Variants in RRP15 observed in about 807,000 individuals in gnomAD.
The protein encoded by RRP15 is ribosomal RNA processing 15 homolog, also known as RRP15-like protein.
In RRP15, 18 loss-of-function variants were observed where a neutral mutation model predicts 27.1. That is an observed-to-expected ratio of 0.66 (90% confidence interval 0.46 to 0.98). The LOEUF (loss-of-function observed/expected upper bound fraction) is 0.98, where lower values mean the gene tolerates loss of function less well. Among genes scored for constraint, RRP15 ranks in the 50% least tolerant of loss-of-function variants. RRP15 has a pLI of 0.00. For synonymous variants in RRP15, 107 were observed against 109.4 expected, an observed-to-expected ratio of 0.98 and a Z score of 0.14; for missense variants, 359 against 337.8, an observed-to-expected ratio of 1.06 and a Z score of -0.49.
chr1:218,323,979 G>A (rs768367515), intron 4 of RRP15, among the ~76,000 whole-genome samples: 15 of 152,170 alleles, frequency 9.9e-5, no homozygotes, highest in Non-Finnish European at 1.6e-4. Flanking sequence ...CCATACCTAG[G>A]TCTGCAGCCG....
intron 4 of RRP15, among the ~76,000 whole-genome samples, chr1:218,310,968 C>T (rs1463816511): frequency 2.0e-5 from 3 of 151,986 alleles, no homozygotes; most frequent in Non-Finnish European, 2.9e-5. Flanking sequence ...AGGCTGGTCA[C>T]GAACTCCTGA....
At chr1:218,322,990 A>G (rs1478906856) in intron 4 of RRP15, among the ~76,000 whole-genome samples, 2 of 152,198 alleles carry the variant, frequency 1.3e-5, no homozygotes, top group Non-Finnish European at 2.9e-5. Context: ...GGCGCCGGCT[A>G]CTTGCGAGGC....
At chr1:218,297,086 GTAGTTA>G (rs1315090896) in intron 1 of RRP15, among the ~76,000 whole-genome samples, 2 of 152,170 alleles carry the variant, frequency 1.3e-5, no homozygotes, top group Admixed American at 1.3e-4. Context: ...ACCCAGTGAA[GTAGTTA>G]CTGTTTTTAT....
rs1158074957 is a variant in RRP15 at position 218,327,539 on chromosome 1, A to G, written c.706-3409A>G. 4.6e-5 allele frequency among the ~76,000 whole-genome samples: 7 copies of G among 152,206 alleles called. No homozygotes were observed. The East Asian group carries it at 1.4e-3, about 29-fold the overall frequency. On this transcript the variant is annotated intron_variant, in intron 4 of 4. Coordinates refer to ENST00000366932, the MANE Select transcript of RRP15 (RefSeq NM_016052.4). Reference sequence around the variant, plus strand: ...GGCTGGTCTGAAACTCCTGACCTCAAGTGATCTGCCCGCCTCAGCCTCCCA... The same window carrying G: ...GGCTGGTCTGAAACTCCTGACCTCAGGTGATCTGCCCGCCTCAGCCTCCCA...
At chr1:218,301,809 G>A (rs887083673) in intron 1 of RRP15, 4 of 152,242 alleles carry the variant, frequency 2.6e-5, no homozygotes, top group Non-Finnish European at 5.9e-5. Flanking sequence ...TACAAATTCA[G>A]AATTTTAAAT....
chr1:218,314,990 CA>C (rs76826029), intron 4 of RRP15, among the ~76,000 whole-genome samples: 4,993 of 61,832 alleles, frequency 0.081, 76 homozygotes, highest in Middle Eastern at 0.18. Flanking sequence ...GGCTCCATCT[CA>C]AAAAAAAAAA....
At chr1:218,314,725 G>A (rs1656052851) in intron 4 of RRP15, among the ~76,000 whole-genome samples, 1 of 151,974 alleles carries the variant, frequency 6.6e-6, no homozygotes, top group African/African-American at 2.4e-5. Context: ...GGACATGGTG[G>A]CTCACATCTG....
intron 4 of RRP15, among the ~76,000 whole-genome samples, chr1:218,327,911 T>TG (rs1348378732): frequency 2.0e-5 from 3 of 152,168 alleles, no homozygotes. Context: ...TAAGAAAAAA[T>TG]GTTTGTTTAT....
chr1:218,320,014 TAG>T (rs1306721101), intron 4 of RRP15, among the ~76,000 whole-genome samples: 3 of 149,196 alleles, frequency 2.0e-5, no homozygotes, highest in African/African-American at 7.6e-5. Context: ...TCAGGTACCT[TAG>T]GTTTTTTTTT....
intron 4 of RRP15, among the ~76,000 whole-genome samples, chr1:218,327,822 G>A (rs539145562): frequency 2.0e-5 from 3 of 152,186 alleles, no homozygotes; most frequent in African/African-American, 7.2e-5. Context: ...TTACAAAATC[G>A]AATATTAGAT....
chr1:218,320,794 A>ATTTTTTTT, intron 4 of RRP15, among the ~76,000 whole-genome samples: 2 of 152,194 alleles, frequency 1.3e-5, no homozygotes, highest in Non-Finnish European at 2.9e-5. Flanking sequence ...GAATCCATAA[A>ATTTTTTTT]GTATGTTTTT....
chr1:218,323,474 T>C (rs1201496215), intron 4 of RRP15, among the ~76,000 whole-genome samples: 2 of 152,130 alleles, frequency 1.3e-5, no homozygotes, highest in Non-Finnish European at 2.9e-5. Context: ...TGAGTACCAA[T>C]TGGTCCATGG....
intron 1 of RRP15, among the ~76,000 whole-genome samples, chr1:218,295,394 G>A (rs1376509215): frequency 6.6e-6 from 1 of 152,150 alleles, no homozygotes; most frequent in Non-Finnish European, 1.5e-5. Flanking sequence ...TGATCTGATT[G>A]ACTCCTCCCT....
At position 218,317,171 on chromosome 1, in the gene RRP15, G is replaced by T. The variant is rs533335932; in HGVS notation, c.705+9539G>T. Among the ~76,000 whole-genome samples, 4 of 152,324 alleles carry T rather than the reference G, an allele frequency of 2.6e-5. No individual in the cohort carries two copies. The East Asian group carries it at 7.7e-4, about 29-fold the overall frequency. ...AGAACATCATTAGAAGATCATACCT[G>T]TCCCAAGTTGGGGATTACGTGATAC... On this transcript the variant is annotated intron_variant, in intron 4 of 4. Transcript: ENST00000366932.
At chr1:218,329,080 C>G (rs565862266) in intron 4 of RRP15, among the ~76,000 whole-genome samples, 39 of 151,962 alleles carry the variant, frequency 2.6e-4, no homozygotes, top group Non-Finnish European at 4.6e-4. Flanking sequence ...TTTTTGTTCA[C>G]TGTGAACATC....
At chr1:218,328,119 A>G (rs1485277446) in intron 4 of RRP15, among the ~76,000 whole-genome samples, 1 of 152,242 alleles carries the variant, frequency 6.6e-6, no homozygotes, top group Non-Finnish European at 1.5e-5. Flanking sequence ...GATACAGACT[A>G]TATTGATCCT....
intron 1 of RRP15, among the ~76,000 whole-genome samples, chr1:218,287,647 G>C (rs570336215): frequency 6.6e-6 from 1 of 152,296 alleles, no homozygotes; most frequent in East Asian, 1.9e-4. Flanking sequence ...GAAAGGTAAG[G>C]ATGGAGACAG....
chr1:218,314,455 G>T (rs1656049026), intron 4 of RRP15, among the ~76,000 whole-genome samples: 1 of 152,074 alleles, frequency 6.6e-6, no homozygotes, highest in Non-Finnish European at 1.5e-5. Context: ...TTCTTGGAAT[G>T]TAATTCTGTT....
In RRP15 at chr1:218,325,062, C is replaced by T. The variant is rs565875573; in HGVS notation, c.706-5886C>T. Among the ~76,000 whole-genome samples, 3 of 152,140 alleles carry T rather than the reference C, an allele frequency of 2.0e-5. No homozygotes were observed. The South Asian group carries it at 6.2e-4, about 31-fold the overall frequency. ...TGGAATTTCTTCTGGATTGAATTCC[C>T]TATGTCTGGGTTCTTGGATCTTCCT... is the stretch of plus-strand genomic sequence containing the variant. On this transcript the variant is annotated intron_variant, in intron 4 of 4. Transcript: ENST00000366932.
Sources: allele counts gnomAD v4.1 joint callset (sites outside exome capture counted in the v4.1 genomes callset), GRCh38; gene constraint gnomAD v4.1.1; transcripts MANE v1.5; gene names NCBI Gene and HGNC (gene_info 2026-07-23, HGNC 2026-07-21).